Variants in MAPK1IP1L observed in about 807,000 individuals in gnomAD.
MAPK1IP1L encodes mitogen-activated protein kinase 1 interacting protein 1 like, also known as MAPK-interacting and spindle-stabilizing protein-like.
MAPK1IP1L carries 10 observed loss-of-function variants against 18.1 expected under a neutral mutation model. The ratio of observed to expected loss-of-function variants is 0.55; its 90% CI spans 0.34 to 0.94. The LOEUF (loss-of-function observed/expected upper bound fraction) is 0.94. Ranked by LOEUF, MAPK1IP1L falls within the 40% of genes least tolerant of loss-of-function variation. The pLI, the probability that MAPK1IP1L is intolerant of heterozygous loss-of-function variation, is 0.02. For synonymous variants in MAPK1IP1L, 115 were observed against 117.3 expected (o/e 0.98, Z 0.13); for missense variants, 260 against 318.2 (o/e 0.82, Z 1.39).
At chr14:55,054,879 A>G (rs1048973322) in intron 1 of MAPK1IP1L, among the ~76,000 whole-genome samples, 2 of 152,226 alleles carry the variant, frequency 1.3e-5, no homozygotes, top group Non-Finnish European at 2.9e-5. Context: ...GTGTATGTCA[A>G]AAGACATTTT....
Position 55,064,623 on chromosome 14 carries a change from A to G in MAPK1IP1L, c.734A>G (p.His245Arg). The change falls in exon 4 of 4, where the codon CAT becomes CGT. Residue 245 changes from histidine (H) to arginine (R), a missense_variant. Coordinates refer to ENST00000395468, the MANE Select transcript of MAPK1IP1L (RefSeq NM_144578.4). ...TTCTTTTTTCTATTGCAGTCTTACC[A>G]TTAAGTTAACAATGGACGAAGAGAT... Reference protein sequence around the residue: ...PPMPGGPHSYH With the variant: ...PPMPGGPHSYR The G allele has an allele frequency of 5.0e-6, 8 of 1,613,002 alleles. No homozygotes were observed. Among genetic ancestry groups the G allele is most frequent in the Non-Finnish European group, 5.9e-6 (7 of 1,179,652 alleles).
At chr14:55,058,882 TAA>T (rs1566762653) in intron 1 of MAPK1IP1L, among the ~76,000 whole-genome samples, 1 of 151,088 alleles carries the variant, frequency 6.6e-6, no homozygotes, top group South Asian at 2.1e-4. Flanking sequence ...ATAGAAAATA[TAA>T]GTTAATATAA....
At chr14:55,061,795 AGATGC>A in intron 2 of MAPK1IP1L, 94 bp downstream of exon 2, 4 of 1,029,342 alleles carry the variant, frequency 3.9e-6, no homozygotes, top group Non-Finnish European at 5.6e-6. Context: ...CACTTAAAAG[AGATGC>A]TTTAACCAGG....
intron 3 of MAPK1IP1L, chr14:55,063,866 G>A (rs1039266002): frequency 6.6e-6 from 1 of 152,332 alleles, no homozygotes; most frequent in Non-Finnish European, 1.5e-5. Context: ...CCCAGTGTGG[G>A]GTTAACATCT....
intron 3 of MAPK1IP1L, among the ~76,000 whole-genome samples, chr14:55,064,099 T>G (rs1282414879): frequency 1.5e-5 from 2 of 137,846 alleles, no homozygotes; most frequent in Non-Finnish European, 3.0e-5. Context: ...TCTCTACCTC[T>G]CAGGTTCAAG....
intron 3 of MAPK1IP1L, among the ~76,000 whole-genome samples, chr14:55,063,635 T>TTTA (rs1006474849): frequency 1.3e-5 from 2 of 152,160 alleles, no homozygotes; most frequent in South Asian, 4.1e-4. Flanking sequence ...GGCTTTTTGT[T>TTTA]TTATTATTAT....
chr14:55,066,309 T>A lies in MAPK1IP1L; in HGVS notation c.*1682T>A, dbSNP rs890997380. 6.6e-6 allele frequency: 1 copy of A among 152,250 alleles called. No individual in the cohort carries two copies. The highest frequency in any genetic ancestry group is 1.9e-4 in the East Asian group (1 of 5,200). The allele number at this position is 152,250 out of a possible 1,614,324, so 9.4% of individuals were successfully genotyped here. On this transcript the variant is annotated 3_prime_UTR_variant, in exon 4 of 4. Transcript: ENST00000395468. ...ACATTCAGTGTTTAATCATCCCTTA[T>A]GTTAACTAGATGATAGATTCAAGCT...
intron 1 of MAPK1IP1L, among the ~76,000 whole-genome samples, chr14:55,054,195 T>G (rs74927575): frequency 3.4e-5 from 5 of 148,788 alleles, no homozygotes; most frequent in Admixed American, 2.7e-4. Context: ...TTTTTTTTTT[T>G]GGAGACGGAG....
Position 55,066,538 on chromosome 14 carries a change from G to A in MAPK1IP1L, c.*1911G>A, listed in dbSNP as rs2140263576. ...AATATCAAAATGTCAGTTAACCATG[G>A]AGGGATAAAGTAATGTGAAAAGTGA... is the stretch of plus-strand genomic sequence containing the variant. On this transcript the variant is annotated 3_prime_UTR_variant, in exon 4 of 4. Coordinates refer to ENST00000395468, the MANE Select transcript of MAPK1IP1L (RefSeq NM_144578.4). The A allele has an allele frequency of 6.6e-6, 1 of 152,338 alleles. No individual in the cohort carries two copies. Among genetic ancestry groups the A allele is most frequent in the South Asian group, 2.1e-4 (1 of 4,822 alleles). The allele number at this position is 152,338 out of a possible 1,614,324, so 9.4% of individuals were successfully genotyped here. A position where few individuals can be genotyped will look rare whatever the true frequency, so the allele number is the denominator to read the frequency against.
rs2042888343 is a variant in MAPK1IP1L, at chr14:55,069,277, T to C, written c.*4650T>C. On this transcript the variant is annotated 3_prime_UTR_variant, in exon 4 of 4. Coordinates refer to ENST00000395468, the MANE Select transcript of MAPK1IP1L (RefSeq NM_144578.4). ...GTAATGACAAATTTAATGTATGTAA[T>C]TGTCTATGCATTTTAAGTTAAACTG... The C allele has an allele frequency of 6.5e-6, 1 of 152,678 alleles. No homozygotes were observed. The highest frequency in any genetic ancestry group is 2.4e-5 in the African/African-American group (1 of 41,470). 9.5% of individuals were successfully genotyped at this position (152,678 alleles called of 1,614,324 possible).
intron 1 of MAPK1IP1L, among the ~76,000 whole-genome samples, chr14:55,061,429 A>G (rs1336365628): frequency 6.6e-6 from 1 of 152,226 alleles, no homozygotes; most frequent in Non-Finnish European, 1.5e-5. Context: ...TTATACTGCT[A>G]CAAAAAGAAG....
At chr14:55,056,667 G>A (rs577927463) in intron 1 of MAPK1IP1L, among the ~76,000 whole-genome samples, 2 of 152,212 alleles carry the variant, frequency 1.3e-5, no homozygotes, top group Non-Finnish European at 2.9e-5. Context: ...CCACCATTAT[G>A]CCTGGCTAAT....
At chr14:55,061,327 AT>A (rs2042816259) in intron 1 of MAPK1IP1L, among the ~76,000 whole-genome samples, 1 of 152,210 alleles carries the variant, frequency 6.6e-6, no homozygotes, top group South Asian at 2.1e-4. Context: ...TTGACTCTAA[AT>A]TCCATGTCCA....
chr14:55,051,956 C>A (rs1180563533), intron 1 of MAPK1IP1L, among the ~76,000 whole-genome samples, 153 bp downstream of exon 1: 1 of 152,148 alleles, frequency 6.6e-6, no homozygotes, highest in African/African-American at 2.4e-5. Flanking sequence ...CTGCCTGGCA[C>A]CAGGACTAAG....
rs1181757241 is a variant in MAPK1IP1L at position 55,063,100 on chromosome 14, A to G, written c.501A>G (p.Pro167=). 3 of 1,613,180 alleles carry G rather than the reference A, an allele frequency of 1.9e-6. No individual in the cohort carries two copies. The highest frequency in any genetic ancestry group is 2.2e-5 in the East Asian group (1 of 44,874). The change falls in exon 3 of 4, where the codon CCA becomes CCG. Residue 167 remains proline (P), a synonymous_variant. Coordinates refer to ENST00000395468, the MANE Select transcript of MAPK1IP1L (RefSeq NM_144578.4). ...GGCAGTATCCTACCCCTAATATGCC[A>G]TATCCATCTCCAGGCCCATATCCCG... is the stretch of plus-strand genomic sequence containing the variant. ...MGGQYPTPNM[P]YPSPGPYPAP...
chr14:55,067,432 C>CA lies in MAPK1IP1L; in HGVS notation c.*2806dup, dbSNP rs1465649332. On this transcript the variant is annotated 3_prime_UTR_variant, in exon 4 of 4. Transcript: ENST00000395468. Reference sequence around the variant, plus strand: ...TCCTTTTTTCTTTTTTTTTTGGAGACAGAGTCTTGCCCTGTCACCCAGGCT... The same window carrying CA: ...TCCTTTTTTCTTTTTTTTTTGGAGACAAGAGTCTTGCCCTGTCACCCAGGCT... 2.0e-5 allele frequency: 3 copies of CA among 150,872 alleles called. No homozygotes were observed. Among genetic ancestry groups the CA allele is most frequent in the Non-Finnish European group, 3.0e-5 (2 of 67,768 alleles). 9.3% of individuals were successfully genotyped at this position (150,872 alleles called of 1,614,324 possible).
rs142416645 is a variant in MAPK1IP1L at position 55,053,235 on chromosome 14, A to G, written c.-5+1432A>G. On this transcript the variant is annotated intron_variant, in intron 1 of 3. Coordinates refer to ENST00000395468, the MANE Select transcript of MAPK1IP1L (RefSeq NM_144578.4). ...TTATTAAAAGTTTTACAGCAAATCT[A>G]TGATGTGGGTACGATTCCGATCTTC... Among the ~76,000 whole-genome samples, 96 of 152,346 alleles carry G rather than the reference A, an allele frequency of 6.3e-4. No individual in the cohort carries two copies. In the Middle Eastern group the frequency reaches 0.017, roughly 27 times the overall value.
chr14:55,063,555 A>C (rs1471185404), intron 3 of MAPK1IP1L, among the ~76,000 whole-genome samples: 1 of 152,218 alleles, frequency 6.6e-6, no homozygotes, highest in Non-Finnish European at 1.5e-5. Context: ...AGATCCCCAA[A>C]GACTTTGTAA....
chr14:55,052,209 A>C (rs1489329370), intron 1 of MAPK1IP1L, among the ~76,000 whole-genome samples: 1 of 151,520 alleles, frequency 6.6e-6, no homozygotes, highest in Non-Finnish European at 1.5e-5. Context: ...GCGTCCCTAA[A>C]CGGCTGCCGG....
Sources: allele counts gnomAD v4.1 joint callset (sites outside exome capture counted in the v4.1 genomes callset), GRCh38; gene constraint gnomAD v4.1.1; transcripts MANE v1.5; gene names NCBI Gene and HGNC (gene_info 2026-07-23, HGNC 2026-07-21).